AK9: variants seen among roughly 807,000 people sequenced by gnomAD.
The protein encoded by AK9 is adenylate kinase domain containing 1.
Under a neutral mutation model 239.6 loss-of-function variants are expected in AK9, and 191 were observed. The ratio of observed to expected loss-of-function variants is 0.80; its 90% CI spans 0.71 to 0.90. The LOEUF (loss-of-function observed/expected upper bound fraction) is 0.90, where lower values mean the gene tolerates loss of function less well. AK9 is among the 40% of genes least tolerant of loss of function. The pLI, the probability that AK9 is intolerant of heterozygous loss-of-function variation, is 0.00. For missense variants in AK9, 1,995 were observed against 2,214.7 expected (o/e 0.90, Z 1.99); for synonymous variants, 689 against 721.0 (o/e 0.96, Z 0.71).
intron 17 of AK9, among the ~76,000 whole-genome samples, 160 bp from the exon 18 acceptor site, chr6:109,586,232 A>G (rs76223311): frequency 0.029 from 4,378 of 152,294 alleles, 100 homozygotes; most frequent in East Asian, 0.11. Context: ...TTAATTTTAA[A>G]GCAATAAAAT....
intron 25 of AK9, 64 bp downstream of exon 25, chr6:109,550,026 G>T: frequency 6.7e-7 from 1 of 1,485,842 alleles, no homozygotes; most frequent in Non-Finnish European, 9.3e-7. Context: ...AATTGATGGT[G>T]ATTGGTAATC....
intron 17 of AK9, among the ~76,000 whole-genome samples, chr6:109,602,901 G>T (rs371432434): frequency 6.6e-6 from 1 of 152,054 alleles, no homozygotes. Flanking sequence ...CGTAGTTCTC[G>T]TGCCATGGTT....
Position 109,564,746 on chromosome 6 carries a change from A to C in AK9, c.2434+10T>G. 6.0e-6 allele frequency: 9 copies of C among 1,510,932 alleles called. No homozygotes were observed. Among genetic ancestry groups the C allele is most frequent in the Non-Finnish European group, 8.0e-6 (9 of 1,125,760 alleles). The allele number at this position is 1,510,932 out of a possible 1,614,324, so 93.6% of individuals were successfully genotyped here. On this transcript the variant is annotated intron_variant, in intron 22 of 40. Coordinates refer to ENST00000424296, the MANE Select transcript of AK9 (RefSeq NM_001145128.3). ...TTTATGCAAGAACTACTTTCATTTT[A>C]CAGTCTAACCTGTTTCAGATAATTT...
At chr6:109,629,119 A>G (rs1158569243) in intron 12 of AK9, among the ~76,000 whole-genome samples, 1 of 151,984 alleles carries the variant, frequency 6.6e-6, no homozygotes, top group Non-Finnish European at 1.5e-5. Flanking sequence ...ATTTTATTTT[A>G]CTTTTTTAGA....
intron 12 of AK9, 103 bp from the exon 13 acceptor site, chr6:109,619,339 T>C: frequency 8.1e-7 from 1 of 1,234,444 alleles, no homozygotes; most frequent in Non-Finnish European, 1.1e-6. Context: ...TCTATCTCTA[T>C]TCCAAAAATA....
chr6:109,493,672 G>A (rs1234939407), intron 40 of AK9, 101 bp from the exon 41 acceptor site: 1 of 1,050,602 alleles, frequency 9.5e-7, no homozygotes, highest in African/African-American at 1.6e-5. Flanking sequence ...CACAGTTATG[G>A]TTGAGAAGAT....
At chr6:109,533,219 A>G in intron 28 of AK9, 32 bp downstream of exon 28, 1 of 1,528,258 alleles carries the variant, frequency 6.5e-7, no homozygotes. Context: ...TGCTGAACAG[A>G]TTTATTCAAT....
chr6:109,501,061 G>A (rs930689443), intron 35 of AK9, among the ~76,000 whole-genome samples: 1 of 152,108 alleles, frequency 6.6e-6, no homozygotes, highest in African/African-American at 2.4e-5. Flanking sequence ...ACAGTGTCTG[G>A]AGAAGCACCC....
intron 35 of AK9, 34 bp downstream of exon 35, chr6:109,506,293 A>G (rs757282572): frequency 5.7e-6 from 9 of 1,586,244 alleles, no homozygotes; most frequent in Admixed American, 1.7e-5. Context: ...CTTGAAATTA[A>G]TATTTTATTC....
At chr6:109,638,646 AT>A (rs1313465218) in intron 10 of AK9, among the ~76,000 whole-genome samples, 1 of 151,974 alleles carries the variant, frequency 6.6e-6, no homozygotes, top group South Asian at 2.1e-4. Flanking sequence ...CGTCTGGTTA[AT>A]TTTTTAAAAA....
At chr6:109,665,484 C>G (rs1263409296) in intron 5 of AK9, among the ~76,000 whole-genome samples, 1 of 152,140 alleles carries the variant, frequency 6.6e-6, no homozygotes, top group African/African-American at 2.4e-5. Flanking sequence ...TCTCTTTCTG[C>G]TTTTCTGGCT....
At chr6:109,498,074 CT>C in intron 36 of AK9, 109 bp from the exon 37 acceptor site, 15 of 1,008,986 alleles carry the variant, frequency 1.5e-5, no homozygotes, top group Non-Finnish European at 1.9e-5. Context: ...TAGCAGCGTT[CT>C]GCTGCTCCTC....
rs753404584 is a variant in AK9 at position 109,632,860 on chromosome 6, G to GAT, written c.1254+62_1254+63insAT. On this transcript the variant is annotated intron_variant, in intron 12 of 40. Coordinates refer to ENST00000424296, the MANE Select transcript of AK9 (RefSeq NM_001145128.3). Reference sequence around the variant, plus strand: ...ATCGAGTATAGATACATGACAGATAGACATAGATAGATAGATAGATAGATA... The same window carrying GAT: ...ATCGAGTATAGATACATGACAGATAGATACATAGATAGATAGATAGATAGATA... The GAT allele has an allele frequency of 3.0e-4, 253 of 846,798 alleles. 1 individual carries two copies. In the African/African-American group the frequency reaches 4.8e-3, roughly 16 times the overall value. 52.5% of individuals were successfully genotyped at this position (846,798 alleles called of 1,614,324 possible).
intron 37 of AK9, 114 bp downstream of exon 37, chr6:109,497,682 T>A: frequency 7.2e-7 from 1 of 1,394,172 alleles, no homozygotes; most frequent in Non-Finnish European, 9.8e-7. Flanking sequence ...AGAAATAGAA[T>A]ATTTTTCCAA....
At chr6:109,545,784 C>T (rs1017688977) in intron 26 of AK9, 83 bp downstream of exon 26, 3 of 1,481,930 alleles carry the variant, frequency 2.0e-6, no homozygotes, top group Non-Finnish European at 1.8e-6. Flanking sequence ...GTCTGGGTGA[C>T]AGATGGAGAC....
At chr6:109,520,104 T>C (rs1268147232) in intron 29 of AK9, among the ~76,000 whole-genome samples, 3 of 151,990 alleles carry the variant, frequency 2.0e-5, no homozygotes, top group Non-Finnish European at 2.9e-5. Context: ...TCCATAGTCT[T>C]AGGTCCTTGT....
Position 109,614,157 on chromosome 6 carries a change from G to A in AK9, c.1609+26C>T, listed in dbSNP as rs116128704. 5.9e-4 allele frequency: 890 copies of A among 1,500,480 alleles called. 2 individuals carry two copies. In the African/African-American group the frequency reaches 0.011, roughly 18 times the overall value. 92.9% of individuals were successfully genotyped at this position (1,500,480 alleles called of 1,614,324 possible). On this transcript the variant is annotated intron_variant, in intron 15 of 40. Transcript: ENST00000424296. ...ATAAATGAAAATGAGATCCACAAACGTGGGATTAGCAGTTCACTTTGTTAC... is the reference window on the plus strand; with the variant it reads ...ATAAATGAAAATGAGATCCACAAACATGGGATTAGCAGTTCACTTTGTTAC...
At chr6:109,611,974 A>T (rs1187203347) in intron 16 of AK9, 36 bp downstream of exon 16, 5 of 1,366,530 alleles carry the variant, frequency 3.7e-6, no homozygotes, top group Non-Finnish European at 5.0e-6. Context: ...TAGAACCACA[A>T]TCTAAAAGAA....
intron 5 of AK9, among the ~76,000 whole-genome samples, chr6:109,668,025 A>G (rs1308776265): frequency 6.6e-6 from 1 of 152,202 alleles, no homozygotes; most frequent in East Asian, 1.9e-4. Flanking sequence ...CAACAATGTA[A>G]AAGTGTTCCT....
Sources: gnomAD v4.1 joint callset for allele counts (sites outside exome capture counted in the v4.1 genomes callset) on GRCh38, gnomAD v4.1.1 for gene constraint, MANE v1.5 for transcripts, NCBI Gene and HGNC (gene_info 2026-07-23, HGNC 2026-07-21) for gene names.